The following SNTG1 variants were observed in gnomAD, a reference collection of about 807,000 sequenced individuals.
The protein encoded by SNTG1 is syntrophin gamma 1.
SNTG1 carries 39 observed loss-of-function variants against 74.7 expected under a neutral mutation model. That is an observed-to-expected ratio of 0.52 (90% CI 0.40 to 0.68). SNTG1 has a LOEUF of 0.68. Ranked by LOEUF, SNTG1 falls within the 30% of genes least tolerant of loss-of-function variation. SNTG1 has a pLI of 0.00. For synonymous variants in SNTG1, 254 were observed against 217.1 expected, an observed-to-expected ratio of 1.17 and a Z score of -1.49; for missense variants, 685 against 609.5, an observed-to-expected ratio of 1.12 and a Z score of -1.30.
chr8:50,390,062 T>C (rs2092634382), intron 2 of SNTG1, among the ~76,000 whole-genome samples: 1 of 151,724 alleles, frequency 6.6e-6, no homozygotes, highest in African/African-American at 2.4e-5. Context: ...TAGTTTCTTT[T>C]GCTGTGCAGA....
chr8:50,702,376 A>G (rs2095429190), intron 15 of SNTG1, among the ~76,000 whole-genome samples: 1 of 152,156 alleles, frequency 6.6e-6, no homozygotes. Flanking sequence ...TCATCCTTTT[A>G]GCTTTCTGAG....
intron 1 of SNTG1, among the ~76,000 whole-genome samples, chr8:49,912,467 AAT>A (rs1805662716): frequency 6.6e-6 from 1 of 152,198 alleles, no homozygotes; most frequent in South Asian, 2.1e-4. Context: ...TTGCTTATCT[AAT>A]ATCTTTTTGG....
chr8:50,301,580 G>A (rs1322497710), intron 2 of SNTG1, among the ~76,000 whole-genome samples: 2 of 151,856 alleles, frequency 1.3e-5, no homozygotes, highest in Non-Finnish European at 2.9e-5. Flanking sequence ...AAATTCTCAG[G>A]AACATTGATT....
chr8:50,438,217 TA>T (rs1471273937), intron 4 of SNTG1, among the ~76,000 whole-genome samples: 1 of 151,976 alleles, frequency 6.6e-6, no homozygotes, highest in Non-Finnish European at 1.5e-5. Context: ...TCTTAGAAAA[TA>T]AGAATACGTA....
intron 12 of SNTG1, among the ~76,000 whole-genome samples, chr8:50,587,602 A>T (rs2094659337): frequency 6.6e-6 from 1 of 152,208 alleles, no homozygotes; most frequent in South Asian, 2.1e-4. Flanking sequence ...AGGCGGGCGG[A>T]TCACCTGAAG....
rs1380069892 is a variant in SNTG1, at chr8:50,125,398, G to A, written c.-102-47163G>A. 4.9e-5 allele frequency among the ~76,000 whole-genome samples: 7 copies of A among 141,874 alleles called. 1 individual carries two copies. The highest frequency in any genetic ancestry group is 9.4e-5 in the Non-Finnish European group (6 of 63,592). 93.1% of individuals were successfully genotyped at this position (141,874 alleles called of 152,430 possible). A position where few individuals can be genotyped will look rare whatever the true frequency, so the allele number is the denominator to read the frequency against. ...ATGCATTAGCTAAATTGAAGAAGAT[G>A]GTTAATTTTGTCCAATACCATTTTT... On this transcript the variant is annotated intron_variant, in intron 1 of 18. Coordinates refer to ENST00000642720, the MANE Select transcript of SNTG1 (RefSeq NM_018967.5).
chr8:49,925,477 T>C (rs919504772), intron 1 of SNTG1, among the ~76,000 whole-genome samples: 7 of 152,194 alleles, frequency 4.6e-5, no homozygotes, highest in African/African-American at 1.4e-4. Flanking sequence ...TGTCTGTCGC[T>C]GTGTGTGTGG....
intron 1 of SNTG1, among the ~76,000 whole-genome samples, chr8:49,969,268 G>A (rs1417807505): frequency 6.6e-6 from 1 of 151,716 alleles, no homozygotes; most frequent in Non-Finnish European, 1.5e-5. Context: ...TCAGAGAGAG[G>A]CATTAATGCG....
At chr8:50,665,115 A>G (rs1012088123) in intron 15 of SNTG1, among the ~76,000 whole-genome samples, 2 of 152,128 alleles carry the variant, frequency 1.3e-5, no homozygotes, top group Non-Finnish European at 2.9e-5. Flanking sequence ...ATAGTGAGCA[A>G]TACAGTCACA....
chr8:50,010,644 A>G (rs1232451911), intron 1 of SNTG1, among the ~76,000 whole-genome samples: 1 of 152,072 alleles, frequency 6.6e-6, no homozygotes, highest in Non-Finnish European at 1.5e-5. Flanking sequence ...TTAAATTTTG[A>G]TAAACTCTCT....
chr8:50,303,520 A>C (rs556648135), intron 2 of SNTG1, among the ~76,000 whole-genome samples: 2 of 152,162 alleles, frequency 1.3e-5, no homozygotes, highest in East Asian at 3.9e-4. Flanking sequence ...GGAATACATA[A>C]AAATAAAACT....
intron 1 of SNTG1, among the ~76,000 whole-genome samples, chr8:50,110,336 G>A (rs2080535950): frequency 6.6e-6 from 1 of 152,084 alleles, no homozygotes; most frequent in Admixed American, 6.6e-5. Flanking sequence ...TTTCTCAGGG[G>A]CTTCCCCTTC....
chr8:50,684,734 T>G (rs974263028), intron 15 of SNTG1, among the ~76,000 whole-genome samples: 8 of 141,660 alleles, frequency 5.6e-5, no homozygotes, highest in African/African-American at 2.1e-4. Flanking sequence ...TTTTTGTTTT[T>G]TTTTTCTTTT....
chr8:50,544,882 G>A (rs73585172), intron 11 of SNTG1, among the ~76,000 whole-genome samples: 3,802 of 151,972 alleles, frequency 0.025, 151 homozygotes, highest in African/African-American at 0.086. Context: ...GTGAGGGAGT[G>A]GGGGGCAAGA....
intron 10 of SNTG1, 78 bp downstream of exon 10, chr8:50,530,337 A>T: frequency 7.6e-7 from 1 of 1,315,018 alleles, no homozygotes; most frequent in Non-Finnish European, 1.1e-6. Flanking sequence ...AATCTGATTT[A>T]TCTGACAGAT....
intron 2 of SNTG1, among the ~76,000 whole-genome samples, chr8:50,228,607 G>GA (rs2085461399): frequency 6.6e-6 from 1 of 151,802 alleles, no homozygotes; most frequent in Non-Finnish European, 1.5e-5. Context: ...AACCCAGCCA[G>GA]AAAAGAGTGG....
At chr8:50,425,446 T>C (rs2093151083) in intron 4 of SNTG1, among the ~76,000 whole-genome samples, 1 of 152,166 alleles carries the variant, frequency 6.6e-6, no homozygotes, top group Admixed American at 6.6e-5. Context: ...GATCTGTCAC[T>C]GTCTCTCATC....
chr8:50,559,777 G>T (rs2094476277), intron 12 of SNTG1, among the ~76,000 whole-genome samples: 1 of 152,038 alleles, frequency 6.6e-6, no homozygotes, highest in Non-Finnish European at 1.5e-5. Flanking sequence ...AACCCTAAAA[G>T]AAAATCTAGG....
At chr8:50,359,844 C>T (rs1490454214) in intron 2 of SNTG1, among the ~76,000 whole-genome samples, 4 of 152,136 alleles carry the variant, frequency 2.6e-5, no homozygotes, top group Admixed American at 2.6e-4. Flanking sequence ...ACTTATTTCA[C>T]ATTTAAGCTT....
Sources: allele counts gnomAD v4.1 joint callset (sites outside exome capture counted in the v4.1 genomes callset), GRCh38; gene constraint gnomAD v4.1.1; transcripts MANE v1.5; gene names NCBI Gene and HGNC (gene_info 2026-07-23, HGNC 2026-07-21).